SLC43A2: variants seen among roughly 807,000 people sequenced by gnomAD.
SLC43A2 encodes large neutral amino acids transporter small subunit 4.
A neutral mutation model predicts 63.2 loss-of-function variants in SLC43A2; 38 were observed. That is an observed-to-expected ratio of 0.60 (90% CI 0.46 to 0.79). The LOEUF (loss-of-function observed/expected upper bound fraction) is 0.79. SLC43A2 is among the 30% of genes least tolerant of loss of function. The pLI is 0.00. For missense variants in SLC43A2, 644 were observed against 756.2 expected (o/e 0.85, Z 1.74); for synonymous variants, 322 against 331.0 (o/e 0.97, Z 0.30).
chr17:1,597,108 CGGGA>C (rs1905361846), intron 5 of SLC43A2, among the ~76,000 whole-genome samples: 1 of 151,860 alleles, frequency 6.6e-6, no homozygotes, highest in South Asian at 2.1e-4. Context: ...CCCAGCTACT[CGGGA>C]GGCTGAGGCA....
In SLC43A2 at chr17:1,570,797, T is replaced by C. The variant is rs1020221492; in HGVS notation, c.*4807A>G. On this transcript the variant is annotated 3_prime_UTR_variant, in exon 14 of 14. Transcript: ENST00000301335. Reference sequence around the variant, plus strand: ...CACCGCGCCCGGCCAAATGCTACCATTGTTAAGTGCCAGGCGTCCCACCAT... The same window carrying C: ...CACCGCGCCCGGCCAAATGCTACCACTGTTAAGTGCCAGGCGTCCCACCAT... The C allele has an allele frequency of 1.3e-5, 2 of 152,360 alleles. No homozygotes were observed. The highest frequency in any genetic ancestry group is 4.8e-5 in the African/African-American group (2 of 41,456). The allele number at this position is 152,360 out of a possible 1,614,324, so 9.4% of individuals were successfully genotyped here. A position where few individuals can be genotyped will look rare whatever the true frequency, so the allele number is the denominator to read the frequency against.
intron 2 of SLC43A2, among the ~76,000 whole-genome samples, chr17:1,624,719 T>G (rs1053551054): frequency 3.3e-5 from 5 of 151,782 alleles, no homozygotes; most frequent in African/African-American, 1.2e-4. Context: ...GGCGAGACCC[T>G]GTCTCTACAA....
chr17:1,580,355 C>T (rs1270414045), intron 11 of SLC43A2, among the ~76,000 whole-genome samples: 1 of 152,170 alleles, frequency 6.6e-6, no homozygotes, highest in African/African-American at 2.4e-5. Flanking sequence ...ACACTAGAAC[C>T]AGGGCCCTGC....
intron 5 of SLC43A2, among the ~76,000 whole-genome samples, chr17:1,594,641 GCAGT>G (rs1905112087): frequency 7.4e-6 from 1 of 134,664 alleles, no homozygotes; most frequent in Non-Finnish European, 1.6e-5. Context: ...AGGCTGTACT[GCAGT>G]GGCTCTATCT....
Position 1,585,577 on chromosome 17 carries a change from G to A in SLC43A2, c.1217+336C>T, listed in dbSNP as rs1436661335. The A allele has an allele frequency of 3.9e-5, 36 of 921,132 alleles. No homozygotes were observed. The East Asian group carries it at 1.9e-3, about 50-fold the overall frequency. The allele number at this position is 921,132 out of a possible 1,614,324, so 57.1% of individuals were successfully genotyped here. The stretch of plus-strand genomic sequence containing the variant: ...TAAATTTTTTGTAGAGACGGGGAGT[G>A]GGGGCTGGCCATGTTTCCCAGGCTG... On this transcript the variant is annotated intron_variant, in intron 10 of 13. Transcript: ENST00000301335.
intron 6 of SLC43A2, 103 bp from the exon 7 acceptor site, chr17:1,591,802 C>T: frequency 1.1e-6 from 1 of 919,804 alleles, no homozygotes; most frequent in Non-Finnish European, 1.7e-6. Flanking sequence ...CCCTGCTGTC[C>T]CTGTGCTGAG....
At chr17:1,609,036 T>C (rs1177567052) in intron 5 of SLC43A2, among the ~76,000 whole-genome samples, 1 of 151,936 alleles carries the variant, frequency 6.6e-6, no homozygotes, top group Non-Finnish European at 1.5e-5. Flanking sequence ...AATTTACCAA[T>C]AAAGAGGAGA....
At chr17:1,576,315 C>T (rs1567605382) in intron 13 of SLC43A2, among the ~76,000 whole-genome samples, 1 of 152,078 alleles carries the variant, frequency 6.6e-6, no homozygotes, top group Non-Finnish European at 1.5e-5. Flanking sequence ...AACTCCTGAC[C>T]TCAAGTGATG....
intron 5 of SLC43A2, among the ~76,000 whole-genome samples, chr17:1,597,211 T>A (rs1905374913): frequency 8.4e-6 from 1 of 119,160 alleles, no homozygotes; most frequent in Non-Finnish European, 1.7e-5. Flanking sequence ...AGACTACGTT[T>A]TAAAAAAAAG....
intron 11 of SLC43A2, among the ~76,000 whole-genome samples, chr17:1,582,161 C>A (rs577242146): frequency 2.0e-5 from 3 of 151,854 alleles, no homozygotes; most frequent in African/African-American, 7.3e-5. Flanking sequence ...TTCACTGCAA[C>A]CTCCGCCTCC....
intron 11 of SLC43A2, among the ~76,000 whole-genome samples, chr17:1,579,481 A>C (rs2075981083): frequency 6.6e-6 from 1 of 151,564 alleles, no homozygotes; most frequent in East Asian, 1.9e-4. Flanking sequence ...AAATTACATA[A>C]ATTTATGACT....
At chr17:1,586,576 C>A (rs893303057) in intron 9 of SLC43A2, among the ~76,000 whole-genome samples, 1 of 151,982 alleles carries the variant, frequency 6.6e-6, no homozygotes, top group Non-Finnish European at 1.5e-5. Flanking sequence ...GCACCTGTAA[C>A]CCCAGCTACT....
At chr17:1,608,729 A>G (rs1906841589) in intron 5 of SLC43A2, among the ~76,000 whole-genome samples, 2 of 152,286 alleles carry the variant, frequency 1.3e-5, no homozygotes, top group South Asian at 4.1e-4. Context: ...CAGACCTGCC[A>G]GAGGCCAGTG....
intron 2 of SLC43A2, among the ~76,000 whole-genome samples, chr17:1,619,471 G>C (rs1490522778): frequency 6.6e-6 from 1 of 152,218 alleles, no homozygotes; most frequent in Non-Finnish European, 1.5e-5. Flanking sequence ...TCACCAACCA[G>C]ATTCCCACCT....
At chr17:1,610,630 C>G (rs1019139403) in intron 5 of SLC43A2, among the ~76,000 whole-genome samples, 6 of 150,370 alleles carry the variant, frequency 4.0e-5, no homozygotes. Flanking sequence ...GGAATCCCAG[C>G]ACTTTGGGAG....
At chr17:1,613,586 G>A (rs772942537) in intron 4 of SLC43A2, among the ~76,000 whole-genome samples, 3 of 152,144 alleles carry the variant, frequency 2.0e-5, no homozygotes, top group South Asian at 4.1e-4. Context: ...CCAAGTAGCC[G>A]GGATTACAGG....
upstream of SLC43A2, among the ~76,000 whole-genome samples, chr17:1,629,889 A>C (rs973660042): frequency 6.6e-6 from 1 of 151,968 alleles, no homozygotes; most frequent in South Asian, 2.1e-4. Context: ...ACCCGGGAAG[A>C]CCCTCTGACT....
At chr17:1,580,865 G>T (rs2076002162) in intron 11 of SLC43A2, among the ~76,000 whole-genome samples, 1 of 152,034 alleles carries the variant, frequency 6.6e-6, no homozygotes. Flanking sequence ...AGCCTCCTGA[G>T]TAGCTGGGAC....
chr17:1,594,590 CT>C (rs59369068), intron 5 of SLC43A2, among the ~76,000 whole-genome samples: 93,766 of 105,360 alleles, frequency 0.89, 41,580 homozygotes, highest in Middle Eastern at 0.92. Context: ...TTCTTTCTTT[CT>C]TTTTTTTTTT....
Sources: gnomAD v4.1 joint callset for allele counts (sites outside exome capture counted in the v4.1 genomes callset) on GRCh38, gnomAD v4.1.1 for gene constraint, MANE v1.5 for transcripts, NCBI Gene and HGNC (gene_info 2026-07-23, HGNC 2026-07-21) for gene names.